The following WDFY3 variants were observed in gnomAD, a reference collection of about 807,000 sequenced individuals.
WDFY3 encodes WD repeat and FYVE domain-containing protein 3.
In WDFY3, 66 loss-of-function variants were observed where a neutral mutation model predicts 409.6. The observed-to-expected ratio is 0.16, with a 90% CI of 0.13 to 0.20. WDFY3 has a LOEUF of 0.20. WDFY3 is among the 10% of genes least tolerant of loss of function. WDFY3 has a pLI of 1.00. For missense variants in WDFY3, 3,031 were observed against 4,298.1 expected, an observed-to-expected ratio of 0.71 and a Z score of 8.24; for synonymous variants, 1,521 against 1,537.1, an observed-to-expected ratio of 0.99 and a Z score of 0.25.
At chr4:84,933,544 C>A (rs1771032844) in intron 1 of WDFY3, among the ~76,000 whole-genome samples, 1 of 151,826 alleles carries the variant, frequency 6.6e-6, no homozygotes, top group Non-Finnish European at 1.5e-5. Context: ...GTGTTATGAA[C>A]ATTCCAATTA....
chr4:84,752,351 TAA>T (rs1207787357), intron 35 of WDFY3, among the ~76,000 whole-genome samples: 1 of 151,846 alleles, frequency 6.6e-6, no homozygotes, highest in Non-Finnish European at 1.5e-5. Context: ...CCATCTCTAT[TAA>T]AAATACAAAA....
intron 2 of WDFY3, among the ~76,000 whole-genome samples, chr4:84,919,083 TA>T: frequency 6.6e-6 from 1 of 151,942 alleles, no homozygotes; most frequent in Non-Finnish European, 1.5e-5. Context: ...ATGACTTGCT[TA>T]AAAAAATGAT....
intron 35 of WDFY3, among the ~76,000 whole-genome samples, chr4:84,752,159 A>C (rs923611919): frequency 2.0e-5 from 3 of 152,124 alleles, no homozygotes; most frequent in Admixed American, 6.5e-5. Context: ...TTTAAAAAAA[A>C]AACAACAATA....
rs371150424 is a variant in WDFY3 at position 84,787,589 on chromosome 4, A to G, written c.3794T>C (p.Leu1265Pro). The G allele has an allele frequency of 1.9e-6, 3 of 1,614,090 alleles. No individual in the cohort carries two copies. The highest frequency in any genetic ancestry group is 1.3e-5 in the African/African-American group (1 of 74,930). Residue 1265 changes from leucine (L) to proline (P), a missense_variant, in exon 23 of 68, where the codon CTG (leucine) becomes CCG (proline). By Grantham distance (98) the Leu-to-Pro change is moderately conservative. Coordinates refer to ENST00000295888, the MANE Select transcript of WDFY3 (RefSeq NM_014991.6). ...TTCTTCTAGAAAATGTGTGGGTCCC[A>G]GGCGCCAAACCAATGAGGCAATTTG... Reference protein sequence around the residue: ...QRQIASLVWRLGPTHFLEEVL... With the variant: ...QRQIASLVWRPGPTHFLEEVL...
In WDFY3 at chr4:84,743,829, G is replaced by A. The variant is rs752759810; in HGVS notation, c.5974-30C>T. The A allele has an allele frequency of 2.7e-6, 4 of 1,507,998 alleles. No individual in the cohort carries two copies. In the Admixed American group the frequency reaches 6.0e-5, roughly 23 times the overall value. The allele number at this position is 1,507,998 out of a possible 1,614,324, so 93.4% of individuals were successfully genotyped here. Reference sequence around the variant, plus strand: ...TCAAGAAAATTTAGAATTAGAAACAGAACCAACTAAAACAAAAATATGAGC... The same window carrying A: ...TCAAGAAAATTTAGAATTAGAAACAAAACCAACTAAAACAAAAATATGAGC... On this transcript the variant is annotated intron_variant, in intron 36 of 67. Transcript: ENST00000295888.
intron 20 of WDFY3, 53 bp from the exon 21 acceptor site, chr4:84,794,790 T>A (rs1360961698): frequency 1.3e-6 from 2 of 1,523,132 alleles, no homozygotes; most frequent in African/African-American, 1.4e-5. Flanking sequence ...TTATATTTTT[T>A]AAAAGATGCC....
intron 1 of WDFY3, among the ~76,000 whole-genome samples, chr4:84,938,566 T>A (rs764336523): frequency 6.6e-6 from 1 of 152,164 alleles, no homozygotes; most frequent in African/African-American, 2.4e-5. Context: ...TACAAAAATG[T>A]TCATTCCAAA....
At chr4:84,850,164 GA>G in intron 4 of WDFY3, 139 bp from the exon 5 acceptor site, 1 of 839,004 alleles carries the variant, frequency 1.2e-6, no homozygotes, top group South Asian at 2.3e-5. Context: ...TTAATATGTT[GA>G]AAATACAACG....
chr4:84,838,029 G>T (rs896490538), intron 6 of WDFY3, among the ~76,000 whole-genome samples: 3 of 152,156 alleles, frequency 2.0e-5, no homozygotes, highest in African/African-American at 7.2e-5. Context: ...GACTAACACT[G>T]CCAGGAATGG....
chr4:84,818,587 G>A (rs750494657), intron 12 of WDFY3, among the ~76,000 whole-genome samples: 19 of 152,080 alleles, frequency 1.2e-4, no homozygotes, highest in Non-Finnish European at 2.6e-4. Context: ...AGATCATGAA[G>A]TCAGTCTAAG....
At chr4:84,957,258 C>CA (rs149018066) in intron 1 of WDFY3, among the ~76,000 whole-genome samples, 1,202 of 58,990 alleles carry the variant, frequency 0.02, 8 homozygotes, top group African/African-American at 0.036. Context: ...TTTCATATAC[C>CA]AAAAAAAAAA....
intron 5 of WDFY3, chr4:84,844,524 A>AT: frequency 5.4e-6 from 7 of 1,289,590 alleles, no homozygotes; most frequent in Non-Finnish European, 7.1e-6. Flanking sequence ...TTAAAAAAAA[A>AT]GGCTGGGTTG....
intron 15 of WDFY3, among the ~76,000 whole-genome samples, chr4:84,806,867 C>T (rs529007391): frequency 6.6e-6 from 1 of 152,066 alleles, no homozygotes; most frequent in African/African-American, 2.4e-5. Context: ...GCCTTGGCCT[C>T]CCAAAGTGCT....
rs1156859313 is a variant in WDFY3, at chr4:84,900,541, A to T, written c.-131-3531T>A. ...GAATGAATTATTGTTACATATAAAA[A>T]CTTGGATTATTCTCAAAGGCATTAT... On this transcript the variant is annotated intron_variant, in intron 2 of 67. Transcript: ENST00000295888. Among the ~76,000 whole-genome samples, 4 of 152,214 alleles carry T rather than the reference A, an allele frequency of 2.6e-5. No individual in the cohort carries two copies. The East Asian group carries it at 5.8e-4, about 22-fold the overall frequency.
At chr4:84,776,677 G>A (rs1745598614) in intron 27 of WDFY3, among the ~76,000 whole-genome samples, 1 of 151,918 alleles carries the variant, frequency 6.6e-6, no homozygotes, top group Non-Finnish European at 1.5e-5. Context: ...TTGAGCTGTG[G>A]ACTCTTACTT....
chr4:84,877,194 C>T (rs1394514808), intron 3 of WDFY3, among the ~76,000 whole-genome samples: 2 of 152,158 alleles, frequency 1.3e-5, no homozygotes, highest in African/African-American at 4.8e-5. Flanking sequence ...TAACCACACC[C>T]GTCTACTGCA....
intron 5 of WDFY3, among the ~76,000 whole-genome samples, chr4:84,844,856 T>C (rs1322992753): frequency 1.3e-5 from 2 of 152,150 alleles, no homozygotes; most frequent in African/African-American, 4.8e-5. Context: ...ACATTATGTT[T>C]TTGTCAAATT....
intron 2 of WDFY3, among the ~76,000 whole-genome samples, chr4:84,920,572 A>G (rs540565435): frequency 4.6e-5 from 7 of 152,326 alleles, no homozygotes; most frequent in Non-Finnish European, 1.0e-4. Context: ...GATGCTCTTT[A>G]TATTATTTTT....
chr4:84,689,086 T>C lies in WDFY3; in HGVS notation c.9364-821A>G, dbSNP rs148446750. Among the ~76,000 whole-genome samples the C allele has an allele frequency of 1.4e-4, 22 of 152,342 alleles. No individual in the cohort carries two copies. In the East Asian group the frequency reaches 3.9e-3, roughly 27 times the overall value. On this transcript the variant is annotated intron_variant, in intron 61 of 67. Coordinates refer to ENST00000295888, the MANE Select transcript of WDFY3 (RefSeq NM_014991.6). ...TCATCTGCCGCCTTCCACACTAGAATGTAAGAGGTTGCCTCCTATTGTACA... is the reference window on the plus strand; with the variant it reads ...TCATCTGCCGCCTTCCACACTAGAACGTAAGAGGTTGCCTCCTATTGTACA...
Sources: gnomAD v4.1 joint callset for allele counts (sites outside exome capture counted in the v4.1 genomes callset) on GRCh38, gnomAD v4.1.1 for gene constraint, MANE v1.5 for transcripts, NCBI Gene and HGNC (gene_info 2026-07-23, HGNC 2026-07-21) for gene names.